CUX1: variants seen among roughly 807,000 people sequenced by gnomAD.
CUX1 encodes the protein protein CASP.
CUX1 carries 31 observed loss-of-function variants against 158.8 expected under a neutral mutation model. The ratio of observed to expected loss-of-function variants is 0.20; its 90% CI spans 0.15 to 0.26. The LOEUF is 0.26. Among genes scored for constraint, CUX1 ranks in the 10% least tolerant of loss-of-function variants. The pLI, the probability that CUX1 is intolerant of heterozygous loss-of-function variation, is 1.00. For synonymous variants in CUX1, 879 were observed against 862.1 expected, an observed-to-expected ratio of 1.02 and a Z score of -0.34; for missense variants, 1,589 against 2,014.6, an observed-to-expected ratio of 0.79 and a Z score of 4.04.
chr7:101,819,872 C>T (rs1188673662), intron 1 of CUX1, among the ~76,000 whole-genome samples: 1 of 152,112 alleles, frequency 6.6e-6, no homozygotes, highest in Non-Finnish European at 1.5e-5. Flanking sequence ...TATCTTCTGT[C>T]GGTAGTTAGC....
chr7:102,167,047 T>C (rs439268), intron 9 of CUX1, among the ~76,000 whole-genome samples: 78,637 of 151,698 alleles, frequency 0.52, 22,312 homozygotes, highest in African/African-American at 0.74. Flanking sequence ...GCAGGTGGAT[T>C]ACTTGAGGTC....
At chr7:102,061,459 G>A (rs987829819) in intron 3 of CUX1, among the ~76,000 whole-genome samples, 44 of 152,160 alleles carry the variant, frequency 2.9e-4, no homozygotes, top group Admixed American at 2.8e-3. Context: ...CTGGTGAGAC[G>A]GCGGTTCCTT....
chr7:101,896,993 C>T (rs1200014094), intron 1 of CUX1, among the ~76,000 whole-genome samples: 1 of 152,204 alleles, frequency 6.6e-6, no homozygotes, highest in Non-Finnish European at 1.5e-5. Flanking sequence ...CCCCCCTGAG[C>T]CTATCTGATG....
intron 7 of CUX1, 140 bp from the exon 8 acceptor site, chr7:102,115,067 T>G (rs781826766): frequency 6.1e-5 from 43 of 705,860 alleles, no homozygotes; most frequent in Middle Eastern, 2.9e-4. Context: ...TTGGCCTCTT[T>G]TGTGTGTTTT....
At chr7:102,005,733 G>A (rs1267066919) in intron 2 of CUX1, among the ~76,000 whole-genome samples, 1 of 152,138 alleles carries the variant, frequency 6.6e-6, no homozygotes, top group East Asian at 1.9e-4. Context: ...ACCTGCTGAG[G>A]CTGGGGCTCT....
intron 2 of CUX1, among the ~76,000 whole-genome samples, chr7:101,982,587 C>T (rs572073049): frequency 5.9e-5 from 9 of 151,998 alleles, no homozygotes; most frequent in South Asian, 2.1e-4. Flanking sequence ...CCACCATGCC[C>T]GGCTAATTTT....
At chr7:102,069,670 C>A (rs986763858) in intron 3 of CUX1, among the ~76,000 whole-genome samples, 39 of 152,168 alleles carry the variant, frequency 2.6e-4, no homozygotes, top group African/African-American at 9.2e-4. Flanking sequence ...ATCGCTTGAA[C>A]CTGGGAGGCA....
Position 102,178,579 on chromosome 7 carries a change from C to T in CUX1, c.939C>T (p.Leu313=), listed in dbSNP as rs782372573. 45 of 1,612,354 alleles carry T rather than the reference C, an allele frequency of 2.8e-5. No homozygotes were observed. Among genetic ancestry groups the T allele is most frequent in the Non-Finnish European group, 3.8e-5 (45 of 1,179,324 alleles). Residue 313 remains leucine, a synonymous_variant, in exon 11 of 24, where the codon CTC becomes CTT. Transcript: ENST00000292535. The stretch of plus-strand genomic sequence containing the variant: ...ACGTGCAGAGACTCCAGGCCAGCCT[C>T]ACCAAGCTGCGGGAGAATTCGGCCA... ...VEDVQRLQAS[L]TKLRENSASQ...
At chr7:102,225,862 A>G (rs1798297682) in intron 20 of CUX1, among the ~76,000 whole-genome samples, 2 of 152,226 alleles carry the variant, frequency 1.3e-5, no homozygotes, top group African/African-American at 2.4e-5. Flanking sequence ...AGCAGAGAGC[A>G]TGGCCTGGGC....
chr7:102,048,376 C>T (rs891563573), intron 3 of CUX1, among the ~76,000 whole-genome samples: 1 of 152,224 alleles, frequency 6.6e-6, no homozygotes, highest in Non-Finnish European at 1.5e-5. Context: ...ACAGAAAAGC[C>T]TCATGGACAC....
chr7:102,107,781 C>G (rs1554488935), intron 6 of CUX1, among the ~76,000 whole-genome samples: 1 of 152,230 alleles, frequency 6.6e-6, no homozygotes, highest in Non-Finnish European at 1.5e-5. Flanking sequence ...CAGACTGGCA[C>G]CTGCCCATCT....
intron 1 of CUX1, among the ~76,000 whole-genome samples, chr7:101,858,575 T>A (rs926084007): frequency 6.6e-6 from 1 of 152,114 alleles, no homozygotes; most frequent in African/African-American, 2.4e-5. Flanking sequence ...CAACAGCAAA[T>A]GCTCAGTGAG....
At chr7:102,026,290 C>T (rs904687291) in intron 2 of CUX1, among the ~76,000 whole-genome samples, 2 of 152,104 alleles carry the variant, frequency 1.3e-5, no homozygotes, top group African/African-American at 2.4e-5. Flanking sequence ...GGGTGGCTAC[C>T]GAATCCTTGA....
At chr7:102,090,416 C>T (rs1828438893) in intron 4 of CUX1, among the ~76,000 whole-genome samples, 1 of 149,922 alleles carries the variant, frequency 6.7e-6, no homozygotes, top group Non-Finnish European at 1.5e-5. Flanking sequence ...GAGATGGAGT[C>T]TCGCTCTGTC....
chr7:102,253,997 C>T lies in CUX1; in HGVS notation c.*4955C>T, dbSNP rs1218408961. On this transcript the variant is annotated 3_prime_UTR_variant, in exon 24 of 24. Transcript: ENST00000292535. Reference sequence around the variant, plus strand: ...CCACACCCCACAGAACTGTGAGGCACGTGGGCTGGAGAGAGCAGAAAAGCT... The same window carrying T: ...CCACACCCCACAGAACTGTGAGGCATGTGGGCTGGAGAGAGCAGAAAAGCT... 2.2e-5 allele frequency: 22 copies of T among 985,370 alleles called. No homozygotes were observed. Among genetic ancestry groups the T allele is most frequent in the Non-Finnish European group, 2.5e-5 (21 of 829,976 alleles). The allele number at this position is 985,370 out of a possible 1,614,324, so 61.0% of individuals were successfully genotyped here.
chr7:102,178,766 A>C, intron 11 of CUX1, 109 bp downstream of exon 11: 1 of 1,181,514 alleles, frequency 8.5e-7, no homozygotes, highest in Non-Finnish European at 1.2e-6. Flanking sequence ...CAAGTGTGGC[A>C]ACCTTGAACC....
chr7:101,871,071 A>G (rs1228034880), intron 1 of CUX1, among the ~76,000 whole-genome samples: 2 of 151,928 alleles, frequency 1.3e-5, no homozygotes, highest in East Asian at 3.9e-4. Flanking sequence ...TCTTCTCAAA[A>G]CCTGCTGCAG....
chr7:102,208,265 A>G (rs1796149830), intron 20 of CUX1, among the ~76,000 whole-genome samples: 1 of 151,822 alleles, frequency 6.6e-6, no homozygotes, highest in Non-Finnish European at 1.5e-5. Flanking sequence ...TGTCTGTGTG[A>G]TGGAGTCTCA....
intron 3 of CUX1, among the ~76,000 whole-genome samples, chr7:102,057,600 G>A (rs1293694395): frequency 6.6e-6 from 1 of 152,174 alleles, no homozygotes; most frequent in Non-Finnish European, 1.5e-5. Flanking sequence ...AGTGGAGGAA[G>A]GAACTGCAGA....
Sources: gnomAD v4.1 joint callset for allele counts (sites outside exome capture counted in the v4.1 genomes callset) on GRCh38, gnomAD v4.1.1 for gene constraint, MANE v1.5 for transcripts, NCBI Gene and HGNC (gene_info 2026-07-23, HGNC 2026-07-21) for gene names.